Variants in MAK observed in about 807,000 individuals in gnomAD.
The protein encoded by MAK is male germ cell associated kinase, also known as serine/threonine-protein kinase MAK.
Under a neutral mutation model 82.6 loss-of-function variants are expected in MAK, and 65 were observed. The observed-to-expected ratio is 0.79, with a 90% confidence interval of 0.64 to 0.97. MAK has a LOEUF of 0.97. MAK is among the 50% of genes least tolerant of loss of function. The pLI is 0.00. For synonymous variants in MAK, 250 were observed against 274.2 expected (o/e 0.91, Z 0.87); for missense variants, 703 against 780.2 (o/e 0.90, Z 1.18).
chr6:10,821,495 C>G (rs535936183), intron 2 of MAK, among the ~76,000 whole-genome samples: 1 of 151,592 alleles, frequency 6.6e-6, no homozygotes, highest in Non-Finnish European at 1.5e-5. Context: ...AGGCTGGTCT[C>G]GAATTCCTGA....
At chr6:10,788,871 T>C (rs539284721) in intron 10 of MAK, among the ~76,000 whole-genome samples, 1 of 152,356 alleles carries the variant, frequency 6.6e-6, no homozygotes, top group African/African-American at 2.4e-5. Context: ...AATAGACATC[T>C]ATAATTTTTC....
At chr6:10,772,419 C>T (rs1266946391) in intron 13 of MAK, among the ~76,000 whole-genome samples, 1 of 151,704 alleles carries the variant, frequency 6.6e-6, no homozygotes, top group Non-Finnish European at 1.5e-5. Flanking sequence ...TCTTGGTTCA[C>T]TGCAACCTCC....
At chr6:10,792,676 G>C (rs1561957799) in intron 9 of MAK, among the ~76,000 whole-genome samples, 3 of 152,140 alleles carry the variant, frequency 2.0e-5, no homozygotes, top group Admixed American at 2.0e-4. Context: ...CTCAAAACTA[G>C]GGAAGAGAGC....
intron 9 of MAK, among the ~76,000 whole-genome samples, chr6:10,795,254 C>G (rs1261213001): frequency 6.6e-6 from 1 of 151,880 alleles, no homozygotes; most frequent in African/African-American, 2.4e-5. Flanking sequence ...GAGTTCGAGA[C>G]CAGCCTGGCC....
At chr6:10,826,967 C>T (rs571340685) in intron 2 of MAK, among the ~76,000 whole-genome samples, 1 of 152,184 alleles carries the variant, frequency 6.6e-6, no homozygotes, top group South Asian at 2.1e-4. Context: ...CAAAATTAGC[C>T]AGGCGTGGTG....
chr6:10,787,997 A>G (rs1774735971), intron 10 of MAK, among the ~76,000 whole-genome samples: 1 of 152,112 alleles, frequency 6.6e-6, no homozygotes, highest in African/African-American at 2.4e-5. Context: ...AAACAGGTAT[A>G]TAGACTACAA....
chr6:10,784,891 T>C (rs1005005638), intron 10 of MAK: 4 of 515,560 alleles, frequency 7.8e-6, no homozygotes, highest in Non-Finnish European at 1.5e-5. Context: ...ACTGGTGTGC[T>C]GAGAGGGAAA....
At chr6:10,783,637 C>T (rs1402689551) in intron 11 of MAK, among the ~76,000 whole-genome samples, 2 of 152,198 alleles carry the variant, frequency 1.3e-5, no homozygotes, top group African/African-American at 4.8e-5. Flanking sequence ...CCCACCCCAT[C>T]CGGACATAAG....
intron 11 of MAK, among the ~76,000 whole-genome samples, chr6:10,775,777 CG>C (rs1359016081): frequency 2.0e-5 from 3 of 151,954 alleles, no homozygotes; most frequent in South Asian, 2.1e-4. Context: ...AACAACACGA[CG>C]TTTTTTTTGT....
intron 9 of MAK, among the ~76,000 whole-genome samples, chr6:10,794,657 A>G (rs1262293654): frequency 6.6e-6 from 1 of 152,188 alleles, no homozygotes; most frequent in Non-Finnish European, 1.5e-5. Context: ...GGAGCTGAAC[A>G]AAAGATGGAA....
intron 11 of MAK, among the ~76,000 whole-genome samples, chr6:10,783,795 C>T (rs1264804356): frequency 6.6e-5 from 10 of 152,074 alleles, no homozygotes; most frequent in African/African-American, 9.7e-5. Context: ...CCAAGGCGGG[C>T]GGATCACAAG....
rs766619005 is a variant in MAK at position 10,808,846 on chromosome 6, G to C, written c.455C>G (p.Ser152Ter). ...ADFGLARELR[S>*]QPPYTDYVST... The stretch of plus-strand genomic sequence containing the variant: ...TACATAATCAGTGTATGGTGGCTGT[G>C]ACCTTAATTCTCTTGCAAGTCCAAA... Residue 152 changes from serine to a stop codon, truncating the protein, a stop_gained, in exon 6 of 15, where the codon TCA becomes TGA. Transcript: ENST00000354489. LOFTEE classifies it high-confidence loss of function. 4 of 1,613,736 alleles carry C rather than the reference G, an allele frequency of 2.5e-6. No homozygotes were observed. The highest frequency in any genetic ancestry group is 2.5e-6 in the Non-Finnish European group (3 of 1,179,896).
chr6:10,782,978 T>G (rs1490084727), intron 11 of MAK, among the ~76,000 whole-genome samples: 1 of 152,158 alleles, frequency 6.6e-6, no homozygotes, highest in Middle Eastern at 3.2e-3. Flanking sequence ...GTCTCAACCT[T>G]TTCTCTTGTT....
In MAK at chr6:10,775,322, C is replaced by G. The variant is rs764077560; in HGVS notation, c.1597+6G>C. 1.2e-6 allele frequency: 2 copies of G among 1,612,384 alleles called. No homozygotes were observed. Among genetic ancestry groups the G allele is most frequent in the East Asian group, 4.5e-5 (2 of 44,788 alleles). On this transcript the variant is annotated splice_donor_region_variant and intron_variant, in intron 12 of 14. Coordinates refer to ENST00000354489, the MANE Select transcript of MAK (RefSeq NM_001242957.3). ...CGTACATGTACATTTTGTATTCTTG[C>G]GTTACCTGCATTGCTCCTTTTGAAA...
intron 10 of MAK, among the ~76,000 whole-genome samples, chr6:10,785,509 G>A (rs1319593063): frequency 6.6e-6 from 1 of 152,208 alleles, no homozygotes; most frequent in Non-Finnish European, 1.5e-5. Flanking sequence ...GGCTCCCTTG[G>A]AAATGGATAC....
At chr6:10,764,942 A>G (rs1772261572) in intron 14 of MAK, among the ~76,000 whole-genome samples, 1 of 151,976 alleles carries the variant, frequency 6.6e-6, no homozygotes, top group Non-Finnish European at 1.5e-5. Flanking sequence ...AAAATACAAA[A>G]AAAATCAGCT....
chr6:10,765,705 C>T (rs974672081), intron 14 of MAK, among the ~76,000 whole-genome samples: 1 of 149,300 alleles, frequency 6.7e-6, no homozygotes, highest in African/African-American at 2.4e-5. Context: ...GGTGATCCAC[C>T]CACCTCAGCC....
intron 1 of MAK, among the ~76,000 whole-genome samples, chr6:10,834,559 C>T (rs932269031): frequency 1.3e-5 from 2 of 152,198 alleles, no homozygotes; most frequent in Non-Finnish European, 2.9e-5. Context: ...CCCCAACCTC[C>T]ACCTTAAGAT....
intron 10 of MAK, 125 bp downstream of exon 10, chr6:10,791,550 A>T: frequency 1.2e-6 from 1 of 841,722 alleles, no homozygotes; most frequent in Non-Finnish European, 1.9e-6. Context: ...TACAGGCCTG[A>T]GCCACTACAC....
Sources: allele counts gnomAD v4.1 joint callset (sites outside exome capture counted in the v4.1 genomes callset), GRCh38; gene constraint gnomAD v4.1.1; transcripts MANE v1.5; gene names NCBI Gene and HGNC (gene_info 2026-07-23, HGNC 2026-07-21).